Variants in ETFDH observed in about 807,000 individuals in gnomAD.
The protein encoded by ETFDH is electron transfer flavoprotein-ubiquinone oxidoreductase, mitochondrial.
ETFDH carries 61 observed loss-of-function variants against 73.2 expected under a neutral mutation model. That is an observed-to-expected ratio of 0.83 (90% CI 0.68 to 1.03). The LOEUF (loss-of-function observed/expected upper bound fraction) is 1.03. Ranked by LOEUF, ETFDH falls within the 50% of genes least tolerant of loss-of-function variation. The probability of loss-of-function intolerance (pLI) is 0.00; values close to 1 mark genes in which losing one functional copy is unlikely to be tolerated. For missense variants in ETFDH, 685 were observed against 745.0 expected (o/e 0.92, Z 0.94); for synonymous variants, 243 against 253.3 (o/e 0.96, Z 0.39).
intron 8 of ETFDH, among the ~76,000 whole-genome samples, chr4:158,698,009 A>G (rs572604151): frequency 2.4e-4 from 36 of 152,360 alleles, no homozygotes; most frequent in African/African-American, 7.0e-4. Flanking sequence ...AAGTCCAAAT[A>G]AGTTAAACAA....
At position 158,684,084 on chromosome 4, in the gene ETFDH, G is replaced by A. The variant is rs1773936986; in HGVS notation, c.406-508G>A. ...AATATATTCCTGGGATGCAAAACTG[G>A]CAAGAGGTTTATTTAGATTTTTAAA... On this transcript the variant is annotated intron_variant, in intron 3 of 12. Coordinates refer to ENST00000511912, the MANE Select transcript of ETFDH (RefSeq NM_004453.4). 3.3e-5 allele frequency among the ~76,000 whole-genome samples: 5 copies of A among 152,166 alleles called. No individual in the cohort carries two copies. The South Asian group carries it at 1.0e-3, about 32-fold the overall frequency.
At position 158,690,209 on chromosome 4, in the gene ETFDH, A is replaced by G. The variant is rs1409755701; in HGVS notation, c.607-139A>G. The G allele has an allele frequency of 2.0e-5, 13 of 641,564 alleles. No homozygotes were observed. In the East Asian group the frequency reaches 3.3e-4, roughly 16 times the overall value. The allele number at this position is 641,564 out of a possible 1,614,324, so 39.7% of individuals were successfully genotyped here. ...GTACCTTAATACATGTCTCTTTATT[A>G]CCTGAACATTTTAAACTCTGTATTT... is the stretch of plus-strand genomic sequence containing the variant. On this transcript the variant is annotated intron_variant, in intron 5 of 12. Transcript: ENST00000511912.
intron 6 of ETFDH, among the ~76,000 whole-genome samples, chr4:158,692,547 C>T (rs1444703642): frequency 1.3e-5 from 2 of 151,996 alleles, no homozygotes; most frequent in African/African-American, 4.8e-5. Flanking sequence ...AACAAGCCTC[C>T]AGGGATTCCG....
At chr4:158,685,022 C>A in intron 4 of ETFDH, 79 bp from the exon 5 acceptor site, 1 of 853,464 alleles carries the variant, frequency 1.2e-6, no homozygotes, top group Non-Finnish European at 2.0e-6. Flanking sequence ...CATATTGATT[C>A]GAAATTTTAA....
At chr4:158,706,514 G>A in intron 11 of ETFDH, 115 bp from the exon 12 acceptor site, 2 of 1,091,888 alleles carry the variant, frequency 1.8e-6, no homozygotes, top group Non-Finnish European at 2.8e-6. Flanking sequence ...TATTACTTGA[G>A]GGCTAGTCAT....
chr4:158,688,461 G>A (rs949490232), intron 5 of ETFDH, among the ~76,000 whole-genome samples: 1 of 151,156 alleles, frequency 6.6e-6, no homozygotes, highest in African/African-American at 2.4e-5. Context: ...TGAGGTGGGC[G>A]GATCACGAGG....
Position 158,682,384 on chromosome 4 carries a change from G to C in ETFDH, c.365G>C (p.Gly122Ala). ...HTLSGACLDP[G>A]AFKELFPDWK... ...CTCTCAGGGGCTTGCCTTGATCCAG[G>C]TGCTTTTAAAGAACTCTTCCCAGAC... The change falls in exon 3 of 13, where the codon GGT (glycine) becomes GCT (alanine). Residue 122 changes from glycine to alanine, a missense_variant. Physicochemically the swap from Gly to Ala is moderately conservative, Grantham distance 60. This residue lies in a region of ETFDH where 405 missense variants were observed against 399.3 expected (regional missense o/e 1.01). Transcript: ENST00000511912. 6.2e-7 allele frequency: 1 copy of C among 1,614,176 alleles called. No homozygotes were observed. The highest frequency in any genetic ancestry group is 8.5e-7 in the Non-Finnish European group (1 of 1,180,010).
Position 158,708,634 on chromosome 4 carries a change from C to G in ETFDH, c.*107C>G. 2 of 911,844 alleles carry G rather than the reference C, an allele frequency of 2.2e-6. No individual in the cohort carries two copies. Among genetic ancestry groups the G allele is most frequent in the Non-Finnish European group, 3.5e-6 (2 of 567,508 alleles). The allele number at this position is 911,844 out of a possible 1,614,324, so 56.5% of individuals were successfully genotyped here. On this transcript the variant is annotated 3_prime_UTR_variant, in exon 13 of 13. Transcript: ENST00000511912. ...TGCATATTACTGAACAGAATAGTCA[C>G]AAAATGATTATCAAATAAAAATTTT... is the stretch of plus-strand genomic sequence containing the variant.
intron 12 of ETFDH, 46 bp from the exon 13 acceptor site, chr4:158,708,318 T>A (rs746380258): frequency 1.4e-6 from 2 of 1,464,138 alleles, no homozygotes; most frequent in East Asian, 2.3e-5. Flanking sequence ...AATTTAAAAA[T>A]TTTTTAAAGT....
rs763623682 is a variant in ETFDH at position 158,690,351 on chromosome 4, C to A, written c.610C>A (p.Leu204Ile). Residue 204 changes from leucine to isoleucine, a missense_variant, in exon 6 of 13, where the codon CTT (leucine) becomes ATT (isoleucine). Leu to Ile is a conservative substitution (Grantham distance 5). Transcript: ENST00000511912. ...ATTTGTTTTTTATCATTTTTAGGTCCTTTTTCATGATGATGGTAGTGTAAA... is the reference window on the plus strand; with the variant it reads ...ATTTGTTTTTTATCATTTTTAGGTCATTTTTCATGATGATGGTAGTGTAAA... ...VYPGYAAAEV[L>I]FHDDGSVKGI... 1.3e-6 allele frequency: 2 copies of A among 1,575,578 alleles called. No homozygotes were observed. The highest frequency in any genetic ancestry group is 8.7e-7 in the Non-Finnish European group (1 of 1,145,364).
chr4:158,706,741 T>C lies in ETFDH; in HGVS notation c.1581T>C (p.Thr527=), dbSNP rs764103435. The part of the protein sequence containing the change: ...DLLSSVALSG[T]NHEHDQPAHL... ...TGTCATCTGTGGCTCTGAGTGGTACTAATCATGAACATGACCAGCCGGCAC... is the reference window on the plus strand; with the variant it reads ...TGTCATCTGTGGCTCTGAGTGGTACCAATCATGAACATGACCAGCCGGCAC... The change falls in exon 12 of 13, where the codon ACT becomes ACC. Residue 527 remains threonine (T), a synonymous_variant. Coordinates refer to ENST00000511912, the MANE Select transcript of ETFDH (RefSeq NM_004453.4). The C allele has an allele frequency of 6.2e-7, 1 of 1,613,762 alleles. No individual in the cohort carries two copies. The highest frequency in any genetic ancestry group is 8.5e-7 in the Non-Finnish European group (1 of 1,179,660).
At position 158,695,537 on chromosome 4, in the gene ETFDH, C is replaced by G; in HGVS notation, c.725C>G (p.Thr242Arg). The G allele has an allele frequency of 6.2e-7, 1 of 1,613,162 alleles. No homozygotes were observed. The change falls in exon 7 of 13, where the codon ACA (threonine) becomes AGA (arginine). Residue 242 changes from threonine to arginine, a missense_variant. Thr to Arg is a moderately conservative substitution (Grantham distance 71). Transcript: ENST00000511912. Reference protein sequence around the residue: ...ERGLELHAKVTIFAEGCHGHL... With the variant: ...ERGLELHAKVRIFAEGCHGHL... The stretch of plus-strand genomic sequence containing the variant: ...GGACTGGAACTACATGCTAAAGTCA[C>G]AATTTTTGCAGAAGGTTGCCATGGA...
At chr4:158,706,066 G>A (rs1187909513) in intron 10 of ETFDH, 123 bp from the exon 11 acceptor site, 3 of 725,242 alleles carry the variant, frequency 4.1e-6, no homozygotes. Context: ...GGGTGACAGA[G>A]CAAGACCTTG....
At chr4:158,688,739 T>C (rs1774079662) in intron 5 of ETFDH, among the ~76,000 whole-genome samples, 1 of 152,184 alleles carries the variant, frequency 6.6e-6, no homozygotes, top group African/African-American at 2.4e-5. Flanking sequence ...GACTGATGCA[T>C]ATCACAGGCC....
At chr4:158,674,592 T>G (rs1561234364) in intron 1 of ETFDH, among the ~76,000 whole-genome samples, 1 of 152,184 alleles carries the variant, frequency 6.6e-6, no homozygotes, top group African/African-American at 2.4e-5. Context: ...TGAGCCACCA[T>G]GCCTGGCCCC....
intron 6 of ETFDH, among the ~76,000 whole-genome samples, chr4:158,693,114 C>A (rs1338943841): frequency 6.6e-6 from 1 of 152,012 alleles, no homozygotes; most frequent in Non-Finnish European, 1.5e-5. Flanking sequence ...TCTATTTAAC[C>A]CACTGTAGCT....
intron 1 of ETFDH, among the ~76,000 whole-genome samples, chr4:158,677,216 G>A (rs761756833): frequency 2.6e-5 from 4 of 152,180 alleles, no homozygotes; most frequent in Non-Finnish European, 4.4e-5. Flanking sequence ...CATGACCCAC[G>A]ATACAGCCTC....
In ETFDH at chr4:158,685,228, A is replaced by G; in HGVS notation, c.606+9A>G. On this transcript the variant is annotated intron_variant, in intron 5 of 12. Transcript: ENST00000511912. ...GTTATGCAGCTGCTGAGGTTTGTAT[A>G]GTTTTGTTTTGTTTTAATATTTATA... 1 of 1,495,246 alleles carries G rather than the reference A, an allele frequency of 6.7e-7. No individual in the cohort carries two copies. The highest frequency in any genetic ancestry group is 9.3e-7 in the Non-Finnish European group (1 of 1,072,104). 92.6% of individuals were successfully genotyped at this position (1,495,246 alleles called of 1,614,324 possible). A position where few individuals can be genotyped will look rare whatever the true frequency, so the allele number is the denominator to read the frequency against.
At chr4:158,675,976 A>T (rs961442575) in intron 1 of ETFDH, among the ~76,000 whole-genome samples, 1 of 152,078 alleles carries the variant, frequency 6.6e-6, no homozygotes, top group African/African-American at 2.4e-5. Context: ...ATTTTTCCAC[A>T]TCCTTGCTAA....
Sources: gnomAD v4.1 joint callset for allele counts (sites outside exome capture counted in the v4.1 genomes callset) on GRCh38, gnomAD v4.1.1 for gene constraint, gnomAD v4.1.1 regional missense constraint, MANE v1.5 for transcripts, NCBI Gene and HGNC (gene_info 2026-07-23, HGNC 2026-07-21) for gene names.